The following KRABD5 variants were observed in gnomAD, a reference collection of about 807,000 sequenced individuals.
KRABD5 encodes KRAB domain-containing protein 5.
At chr16:31,733,879 G>A in the KRABD5 span, among the ~76,000 whole-genome samples, 7 of 152,214 alleles carry the variant, frequency 4.6e-5, no homozygotes, top group Non-Finnish European at 7.4e-5. Flanking sequence ...TCTATTCCGC[G>A]TTCTGTTTTG....
the KRABD5 span, among the ~76,000 whole-genome samples, chr16:31,716,253 A>G: frequency 3.3e-5 from 5 of 152,190 alleles, no homozygotes; most frequent in African/African-American, 1.2e-4. Flanking sequence ...ATCTGCCTGC[A>G]TGGACACAGG....
At chr16:31,732,313 C>G in the KRABD5 span, among the ~76,000 whole-genome samples, 1 of 152,180 alleles carries the variant, frequency 6.6e-6, no homozygotes, top group Non-Finnish European at 1.5e-5. Flanking sequence ...GCCTCCTATT[C>G]TGTCATCTTG....
the KRABD5 span, among the ~76,000 whole-genome samples, chr16:31,749,482 C>A: frequency 6.6e-6 from 1 of 152,212 alleles, no homozygotes; most frequent in African/African-American, 2.4e-5. Context: ...GCTTGTCGCC[C>A]CTCCCTGCAG....
the KRABD5 span, among the ~76,000 whole-genome samples, chr16:31,730,228 A>AC: frequency 0.81 from 121,752 of 150,990 alleles, 49,675 homozygotes; most frequent in African/African-American, 0.93. Flanking sequence ...AATTCCTTTA[A>AC]TTTTTTTTTT....
At chr16:31,729,081 G>GT in the KRABD5 span, among the ~76,000 whole-genome samples, 1 of 152,144 alleles carries the variant, frequency 6.6e-6, no homozygotes, top group Non-Finnish European at 1.5e-5. Context: ...TTTGTCTAAT[G>GT]TAAGTATAGC....
the KRABD5 span, chr16:31,753,940 CA>C: frequency 6.4e-7 from 1 of 1,550,498 alleles, no homozygotes; most frequent in Non-Finnish European, 8.7e-7. Flanking sequence ...GATGGACATA[CA>C]AAATGTAAGA....
chr16:31,731,072 T>C, the KRABD5 span, among the ~76,000 whole-genome samples: 1 of 152,246 alleles, frequency 6.6e-6, no homozygotes, highest in South Asian at 2.1e-4. Flanking sequence ...GGCTTTTTAA[T>C]TTCCTTTGGT....
At chr16:31,728,281 C>T in the KRABD5 span, among the ~76,000 whole-genome samples, 2 of 152,052 alleles carry the variant, frequency 1.3e-5, no homozygotes, top group Non-Finnish European at 2.9e-5. Context: ...CCTTTCTAGT[C>T]TTTATTTAGT....
chr16:31,752,802 G>T, the KRABD5 span, among the ~76,000 whole-genome samples: 1 of 152,268 alleles, frequency 6.6e-6, no homozygotes, highest in African/African-American at 2.4e-5. Context: ...AGGAATTCGA[G>T]GTTCCAGTGA....
chr16:31,716,672 G>A, the KRABD5 span, among the ~76,000 whole-genome samples: 22 of 152,112 alleles, frequency 1.4e-4, no homozygotes, highest in Middle Eastern at 3.2e-3. Context: ...GAGCCACCAT[G>A]CCTGGCCCAC....
chr16:31,726,149 T>G, the KRABD5 span, among the ~76,000 whole-genome samples: 3 of 152,252 alleles, frequency 2.0e-5, no homozygotes, highest in Non-Finnish European at 4.4e-5. Flanking sequence ...TTTGAGTTCA[T>G]TTTTGTATAT....
At chr16:31,735,728 T>TAGAC in the KRABD5 span, among the ~76,000 whole-genome samples, 3 of 152,220 alleles carry the variant, frequency 2.0e-5, no homozygotes, top group African/African-American at 7.2e-5. Flanking sequence ...TTTTCACTAA[T>TAGAC]GTCTATGAAG....
chr16:31,723,478 T>C, the KRABD5 span: 1 of 897,974 alleles, frequency 1.1e-6, no homozygotes, highest in African/African-American at 1.7e-5. Flanking sequence ...CCTGGGTTTA[T>C]TTCTTTCTCT....
At chr16:31,761,491 T>C in the KRABD5 span, 1 of 152,330 alleles carries the variant, frequency 6.6e-6, no homozygotes. Flanking sequence ...TCGTATTCTA[T>C]TGGGCTGTCG....
the KRABD5 span, among the ~76,000 whole-genome samples, chr16:31,718,779 A>G: frequency 6.6e-6 from 1 of 152,130 alleles, no homozygotes; most frequent in Non-Finnish European, 1.5e-5. Flanking sequence ...TCCTGCCCAA[A>G]TCACTACTGG....
the KRABD5 span, among the ~76,000 whole-genome samples, chr16:31,746,131 C>T: frequency 3.3e-5 from 5 of 152,022 alleles, no homozygotes; most frequent in African/African-American, 7.2e-5. Context: ...AGGTTAGTAT[C>T]GTTATGTGTG....
At chr16:31,756,695 C>A in the KRABD5 span, 1 of 152,060 alleles carries the variant, frequency 6.6e-6, no homozygotes, top group Non-Finnish European at 1.5e-5. Context: ...TTTTAAAATC[C>A]TGAATCATTG....
At chr16:31,747,673 A>T in the KRABD5 span, among the ~76,000 whole-genome samples, 5 of 152,208 alleles carry the variant, frequency 3.3e-5, no homozygotes, top group African/African-American at 1.2e-4. Context: ...CTTTTTAATG[A>T]TCGCCATTGT....
At chr16:31,714,312 T>G in the KRABD5 span, 1 of 455,480 alleles carries the variant, frequency 2.2e-6, no homozygotes, top group Admixed American at 2.4e-5. Context: ...ACAGTTTCCT[T>G]CCTTTCTATA....
Sources: gnomAD v4.1 joint callset for allele counts (sites outside exome capture counted in the v4.1 genomes callset) on GRCh38, gnomAD v4.1.1 for gene constraint, MANE v1.5 for transcripts, NCBI Gene and HGNC (gene_info 2026-07-23, HGNC 2026-07-21) for gene names.